Variants in EHBP1 observed in about 807,000 individuals in gnomAD.
The protein encoded by EHBP1 is EH domain binding protein 1.
EHBP1 carries 55 observed loss-of-function variants against 144.0 expected under a neutral mutation model. The observed-to-expected ratio is 0.38, with a 90% confidence interval of 0.31 to 0.48. The LOEUF (loss-of-function observed/expected upper bound fraction) is 0.48, where lower values mean the gene tolerates loss of function less well. Among genes scored for constraint, EHBP1 ranks in the 20% least tolerant of loss-of-function variants. The pLI is 0.98. For missense variants in EHBP1, 1,200 were observed against 1,364.2 expected, an observed-to-expected ratio of 0.88 and a Z score of 1.90; for synonymous variants, 469 against 472.7, an observed-to-expected ratio of 0.99 and a Z score of 0.10.
At chr2:62,984,205 T>C (rs953306632) in intron 15 of EHBP1, among the ~76,000 whole-genome samples, 2 of 152,178 alleles carry the variant, frequency 1.3e-5, no homozygotes, top group Non-Finnish European at 2.9e-5. Context: ...GTTTAAAAAA[T>C]GCAGATATTC....
intron 2 of EHBP1, among the ~76,000 whole-genome samples, chr2:62,724,531 A>T (rs1231157204): frequency 6.6e-6 from 1 of 152,054 alleles, no homozygotes; most frequent in Non-Finnish European, 1.5e-5. Context: ...AGTTGTTTGG[A>T]GGAAGGAAGG....
chr2:62,941,567 A>G (rs867648070), intron 10 of EHBP1, among the ~76,000 whole-genome samples: 4 of 152,188 alleles, frequency 2.6e-5, no homozygotes, highest in South Asian at 2.1e-4. Flanking sequence ...CAGTGAATGC[A>G]TAAATCATAA....
intron 10 of EHBP1, among the ~76,000 whole-genome samples, chr2:62,923,246 A>G: frequency 6.6e-6 from 1 of 152,208 alleles, no homozygotes; most frequent in East Asian, 1.9e-4. Context: ...CCTGCAAAGC[A>G]TGAAAACCAA....
At chr2:62,811,576 T>C (rs1015346512) in intron 5 of EHBP1, among the ~76,000 whole-genome samples, 1 of 152,214 alleles carries the variant, frequency 6.6e-6, no homozygotes, top group African/African-American at 2.4e-5. Flanking sequence ...TTAGTCTTGA[T>C]AGTATAGCAT....
Position 62,958,035 on chromosome 2 carries a change from A to G in EHBP1, c.2460+2375A>G, listed in dbSNP as rs559951418. On this transcript the variant is annotated intron_variant, in intron 14 of 22. Transcript: ENST00000431489. The stretch of plus-strand genomic sequence containing the variant: ...CTCAAAGCCGCAGTGAGATACCACT[A>G]TGAGAATGACTAGAATTTAAAAGAC... 6.8e-4 allele frequency among the ~76,000 whole-genome samples: 103 copies of G among 152,352 alleles called. 1 individual carries two copies. The highest frequency in any genetic ancestry group is 2.2e-3 in the African/African-American group (92 of 41,586).
At chr2:62,865,984 G>C (rs2050004395) in intron 9 of EHBP1, among the ~76,000 whole-genome samples, 1 of 152,202 alleles carries the variant, frequency 6.6e-6, no homozygotes, top group Non-Finnish European at 1.5e-5. Flanking sequence ...TGAGTCTTTA[G>C]CTGAGTGTGG....
At chr2:63,012,055 G>GT (rs891914593) in intron 19 of EHBP1, among the ~76,000 whole-genome samples, 5 of 151,706 alleles carry the variant, frequency 3.3e-5, no homozygotes, top group Non-Finnish European at 5.9e-5. Context: ...TACCGTTGTT[G>GT]TTTTTTTAAT....
At chr2:62,982,557 C>G (rs111807165) in intron 15 of EHBP1, among the ~76,000 whole-genome samples, 2 of 152,048 alleles carry the variant, frequency 1.3e-5, no homozygotes, top group African/African-American at 2.4e-5. Flanking sequence ...CTTCTAGGGT[C>G]TAGTAGGAAT....
upstream of EHBP1, among the ~76,000 whole-genome samples, chr2:62,703,267 T>G (rs1024167420): frequency 1.3e-5 from 2 of 151,108 alleles, no homozygotes; most frequent in East Asian, 3.9e-4. Flanking sequence ...CTCGGGAGGT[T>G]GAGGTGGGAG....
chr2:62,806,640 G>A (rs542602672), intron 5 of EHBP1, among the ~76,000 whole-genome samples: 1 of 152,074 alleles, frequency 6.6e-6, no homozygotes, highest in Non-Finnish European at 1.5e-5. Flanking sequence ...GGGATTACAG[G>A]TGTGAGCCAC....
chr2:62,892,523 A>G (rs760888858), intron 10 of EHBP1, among the ~76,000 whole-genome samples: 1 of 152,122 alleles, frequency 6.6e-6, no homozygotes, highest in Non-Finnish European at 1.5e-5. Context: ...CTAAATATAT[A>G]TGTAATGTGC....
chr2:62,713,551 A>G (rs1333385557), intron 2 of EHBP1, among the ~76,000 whole-genome samples: 2 of 152,100 alleles, frequency 1.3e-5, no homozygotes, highest in Non-Finnish European at 2.9e-5. Flanking sequence ...GCCTGGTGCT[A>G]AAATCTTTAA....
intron 10 of EHBP1, among the ~76,000 whole-genome samples, chr2:62,933,199 TA>T (rs978361178): frequency 6.6e-5 from 10 of 152,062 alleles, no homozygotes; most frequent in African/African-American, 2.2e-4. Context: ...AAAATGACTA[TA>T]TTTTTCAAAA....
Sources: gnomAD v4.1 joint callset for allele counts (sites outside exome capture counted in the v4.1 genomes callset) on GRCh38, gnomAD v4.1.1 for gene constraint, MANE v1.5 for transcripts, NCBI Gene and HGNC (gene_info 2026-07-23, HGNC 2026-07-21) for gene names.